The following SORCS2 variants were observed in gnomAD, a reference collection of about 807,000 sequenced individuals.
SORCS2 encodes VPS10 domain-containing receptor SorCS2.
In SORCS2, 100 loss-of-function variants were observed where a neutral mutation model predicts 141.6. The observed-to-expected ratio is 0.71, with a 90% CI of 0.60 to 0.83. The LOEUF (loss-of-function observed/expected upper bound fraction) is 0.83, where lower values mean the gene tolerates loss of function less well. Among genes scored for constraint, SORCS2 ranks in the 40% least tolerant of loss-of-function variants. The pLI is 0.00. For synonymous variants in SORCS2, 789 were observed against 676.9 expected (o/e 1.17, Z -2.57); for missense variants, 1,646 against 1,560.2 (o/e 1.05, Z -0.93).
chr4:7,630,091 C>G (rs1273280119), intron 3 of SORCS2, among the ~76,000 whole-genome samples: 1 of 152,190 alleles, frequency 6.6e-6, no homozygotes, highest in Non-Finnish European at 1.5e-5. Context: ...CTGGGCCCTA[C>G]CCTGCAGGCA....
intron 2 of SORCS2, among the ~76,000 whole-genome samples, chr4:7,507,642 A>T (rs888113545): frequency 6.6e-6 from 1 of 152,246 alleles, no homozygotes; most frequent in Non-Finnish European, 1.5e-5. Flanking sequence ...TCCACTCAGC[A>T]CCGTGACACA....
chr4:7,710,891 CTG>C (rs1725789945), intron 14 of SORCS2, among the ~76,000 whole-genome samples: 1 of 152,234 alleles, frequency 6.6e-6, no homozygotes, highest in Admixed American at 6.5e-5. Context: ...CCCCACTCCT[CTG>C]AGAAAGAATG....
At chr4:7,633,322 C>A (rs148367139) in intron 3 of SORCS2, among the ~76,000 whole-genome samples, 2 of 152,084 alleles carry the variant, frequency 1.3e-5, no homozygotes, top group African/African-American at 2.4e-5. Flanking sequence ...GGACGAGAGG[C>A]GGAGCAGGGA....
intron 1 of SORCS2, among the ~76,000 whole-genome samples, chr4:7,380,638 T>G (rs1577472270): frequency 1.3e-5 from 2 of 152,370 alleles, no homozygotes; most frequent in South Asian, 4.1e-4. Flanking sequence ...GGCAGCCCCC[T>G]CGTTCCTCCT....
intron 1 of SORCS2, among the ~76,000 whole-genome samples, chr4:7,222,780 G>T (rs1188728076): frequency 6.6e-6 from 1 of 152,066 alleles, no homozygotes; most frequent in African/African-American, 2.4e-5. Context: ...ACAGATCTGT[G>T]TGGGGTGTGG....
At chr4:7,348,382 G>A (rs763911103) in intron 1 of SORCS2, among the ~76,000 whole-genome samples, 1 of 152,186 alleles carries the variant, frequency 6.6e-6, no homozygotes, top group Non-Finnish European at 1.5e-5. Context: ...GTCGGACACC[G>A]CTCTTAGAGG....
At chr4:7,688,340 C>T (rs1378634269) in intron 10 of SORCS2, among the ~76,000 whole-genome samples, 1 of 152,192 alleles carries the variant, frequency 6.6e-6, no homozygotes, top group African/African-American at 2.4e-5. Flanking sequence ...TTAGTGGTGT[C>T]TCCTAAGTTA....
chr4:7,525,336 A>G (rs1043673011), intron 2 of SORCS2, among the ~76,000 whole-genome samples: 1 of 152,034 alleles, frequency 6.6e-6, no homozygotes, highest in Non-Finnish European at 1.5e-5. Flanking sequence ...TTTTTTGTTG[A>G]TAAGGACCCT....
intron 1 of SORCS2, among the ~76,000 whole-genome samples, chr4:7,346,693 C>T (rs1720669875): frequency 6.6e-6 from 1 of 152,186 alleles, no homozygotes; most frequent in South Asian, 2.1e-4. Context: ...GTCAGTTTTG[C>T]TTCATGTACT....
chr4:7,622,913 C>T (rs897301028), intron 3 of SORCS2, among the ~76,000 whole-genome samples: 3 of 152,112 alleles, frequency 2.0e-5, no homozygotes, highest in African/African-American at 7.2e-5. Context: ...TTCAGTTCAC[C>T]CACTGCTCAT....
intron 1 of SORCS2, among the ~76,000 whole-genome samples, chr4:7,379,176 G>C (rs574998213): frequency 6.6e-6 from 1 of 152,170 alleles, no homozygotes; most frequent in South Asian, 2.1e-4. Flanking sequence ...CCAGCTCTCC[G>C]TGTGGGCCTG....
intron 3 of SORCS2, among the ~76,000 whole-genome samples, chr4:7,593,974 C>T (rs75958078): frequency 2.6e-5 from 4 of 152,228 alleles, no homozygotes; most frequent in Admixed American, 6.5e-5. Flanking sequence ...CATCCTGACA[C>T]CCTCCACTGG....
chr4:7,581,716 C>T (rs1053893885), intron 3 of SORCS2, among the ~76,000 whole-genome samples: 3 of 152,102 alleles, frequency 2.0e-5, no homozygotes, highest in African/African-American at 7.2e-5. Context: ...TGCTTAGGGT[C>T]CCCCACAGCT....
chr4:7,452,092 C>T (rs1258770280), intron 2 of SORCS2, among the ~76,000 whole-genome samples: 1 of 152,146 alleles, frequency 6.6e-6, no homozygotes, highest in Non-Finnish European at 1.5e-5. Context: ...GTGCCACACA[C>T]CCGATACCAC....
Position 7,676,226 on chromosome 4 carries a change from G to A in SORCS2, c.1338G>A (p.Leu446=), listed in dbSNP as rs1723098902. Residue 446 remains leucine (L), a synonymous_variant, in exon 9 of 27, where the codon CTG becomes CTA. Transcript: ENST00000507866. ...AGGAGAGCGTGCTCATCGACATCCT[G>A]GAGGTGGGTCCAGGGTGGATGTGGG... ...QAEESVLIDI[L]EVRGVKGVFL... is the part of the protein sequence containing the mutation. The A allele has an allele frequency of 1.3e-6, 2 of 1,550,454 alleles. No individual in the cohort carries two copies. Among genetic ancestry groups the A allele is most frequent in the African/African-American group, 1.4e-5 (1 of 73,126 alleles).
At chr4:7,420,732 C>G (rs370046719) in intron 2 of SORCS2, among the ~76,000 whole-genome samples, 2 of 152,188 alleles carry the variant, frequency 1.3e-5, no homozygotes, top group Non-Finnish European at 2.9e-5. Context: ...CTGGAGAGGA[C>G]TCCGTGGGAT....
At chr4:7,361,903 G>T (rs950130197) in intron 1 of SORCS2, among the ~76,000 whole-genome samples, 1 of 152,032 alleles carries the variant, frequency 6.6e-6, no homozygotes, top group South Asian at 2.1e-4. Flanking sequence ...GAAGCGGTGG[G>T]GGGGAGGACG....
intron 2 of SORCS2, among the ~76,000 whole-genome samples, chr4:7,399,680 G>A (rs6852520): frequency 6.6e-6 from 1 of 152,064 alleles, no homozygotes; most frequent in African/African-American, 2.4e-5. Flanking sequence ...TGCAGGGCGT[G>A]CTCCTCCACG....
chr4:7,206,150 T>G (rs934573242), intron 1 of SORCS2, among the ~76,000 whole-genome samples: 1 of 152,142 alleles, frequency 6.6e-6, no homozygotes, highest in Non-Finnish European at 1.5e-5. Flanking sequence ...CCCATGGGAA[T>G]GATGCATCCC....
Sources: gnomAD v4.1 joint callset for allele counts (sites outside exome capture counted in the v4.1 genomes callset) on GRCh38, gnomAD v4.1.1 for gene constraint, MANE v1.5 for transcripts, NCBI Gene and HGNC (gene_info 2026-07-23, HGNC 2026-07-21) for gene names.